Variants in SSBP2 observed in about 807,000 individuals in gnomAD.
SSBP2 encodes single-stranded DNA-binding protein 2.
A neutral mutation model predicts 61.8 loss-of-function variants in SSBP2; 17 were observed. The observed-to-expected ratio is 0.28, with a 90% confidence interval of 0.19 to 0.41. The LOEUF (loss-of-function observed/expected upper bound fraction) is 0.41. Among genes scored for constraint, SSBP2 ranks in the 10% least tolerant of loss-of-function variants. SSBP2 has a pLI of 1.00. For synonymous variants in SSBP2, 139 were observed against 141.3 expected (o/e 0.98, Z 0.12); for missense variants, 310 against 458.7 (o/e 0.68, Z 2.96).
intron 5 of SSBP2, among the ~76,000 whole-genome samples, chr5:81,493,289 GATAGATAGAT>G (rs1236508467): frequency 4.7e-5 from 7 of 149,624 alleles, no homozygotes; most frequent in Admixed American, 6.6e-5. Flanking sequence ...TAGATAGATA[GATAGATAGAT>G]AGATTAACAG....
chr5:81,479,784 C>T (rs969529600), intron 6 of SSBP2, among the ~76,000 whole-genome samples: 10 of 152,068 alleles, frequency 6.6e-5, no homozygotes, highest in African/African-American at 1.9e-4. Flanking sequence ...TATTATTCAT[C>T]CTTTTTAATG....
intron 4 of SSBP2, among the ~76,000 whole-genome samples, chr5:81,606,065 A>T (rs1018383217): frequency 3.9e-5 from 6 of 152,196 alleles, no homozygotes; most frequent in Non-Finnish European, 8.8e-5. Context: ...AGAGAAATTC[A>T]TCCAACTAGA....
chr5:81,673,825 C>T (rs1751767283), intron 1 of SSBP2, among the ~76,000 whole-genome samples: 1 of 152,184 alleles, frequency 6.6e-6, no homozygotes, highest in Non-Finnish European at 1.5e-5. Context: ...CTCAATACTA[C>T]ATACCAAAGA....
intron 6 of SSBP2, among the ~76,000 whole-genome samples, chr5:81,487,202 T>C (rs1766449040): frequency 6.6e-6 from 1 of 152,162 alleles, no homozygotes; most frequent in Admixed American, 6.5e-5. Context: ...GACAAGACAA[T>C]TATCTTGACA....
At chr5:81,711,600 A>G (rs1754779669) in intron 1 of SSBP2, among the ~76,000 whole-genome samples, 1 of 152,124 alleles carries the variant, frequency 6.6e-6, no homozygotes, top group African/African-American at 2.4e-5. Context: ...ATCTTCAGAT[A>G]TATCACCAAC....
chr5:81,622,020 T>C (rs1276514271), intron 3 of SSBP2, among the ~76,000 whole-genome samples: 1 of 141,042 alleles, frequency 7.1e-6, no homozygotes, highest in African/African-American at 2.7e-5. Flanking sequence ...GACGAGTTAG[T>C]GGGTGCAGCG....
At chr5:81,735,163 AT>A (rs1756516982) in intron 1 of SSBP2, among the ~76,000 whole-genome samples, 1 of 152,092 alleles carries the variant, frequency 6.6e-6, no homozygotes, top group Non-Finnish European at 1.5e-5. Context: ...TATATTAAAT[AT>A]ATAGAGATAA....
At chr5:81,429,587 A>T (rs970904736) in intron 15 of SSBP2, among the ~76,000 whole-genome samples, 1 of 152,198 alleles carries the variant, frequency 6.6e-6, no homozygotes, top group Non-Finnish European at 1.5e-5. Context: ...AAAACTTCAG[A>T]GTTAAACATT....
chr5:81,494,421 A>G (rs773700053), intron 5 of SSBP2, among the ~76,000 whole-genome samples: 1 of 152,228 alleles, frequency 6.6e-6, no homozygotes, highest in South Asian at 2.1e-4. Context: ...TAAAATTCAT[A>G]TATTGAAATC....
chr5:81,587,758 C>T (rs201441078), intron 4 of SSBP2, among the ~76,000 whole-genome samples: 10 of 134,152 alleles, frequency 7.5e-5, no homozygotes, highest in East Asian at 3.4e-4. Context: ...CACACACACG[C>T]GCGCGCACAC....
intron 1 of SSBP2, among the ~76,000 whole-genome samples, chr5:81,678,539 G>A (rs1208486865): frequency 6.6e-6 from 1 of 151,858 alleles, no homozygotes; most frequent in Non-Finnish European, 1.5e-5. Context: ...CCAAATTAAC[G>A]TCAAACACCA....
At chr5:81,610,201 G>T (rs939820305) in intron 4 of SSBP2, among the ~76,000 whole-genome samples, 2 of 152,110 alleles carry the variant, frequency 1.3e-5, no homozygotes, top group African/African-American at 2.4e-5. Context: ...GAGCAAGACT[G>T]GGGGGAGAGG....
chr5:81,732,260 G>T (rs749723182), intron 1 of SSBP2, among the ~76,000 whole-genome samples: 19 of 151,906 alleles, frequency 1.3e-4, no homozygotes, highest in Non-Finnish European at 2.6e-4. Context: ...TTTTCAAAAT[G>T]AAGTGGTATT....
chr5:81,725,427 G>GT (rs1444225275), intron 1 of SSBP2, among the ~76,000 whole-genome samples: 1 of 152,138 alleles, frequency 6.6e-6, no homozygotes, highest in Non-Finnish European at 1.5e-5. Context: ...ATGTACACTA[G>GT]TACAGACATT....
intron 1 of SSBP2, among the ~76,000 whole-genome samples, chr5:81,684,250 G>T (rs559199797): frequency 6.6e-6 from 1 of 152,230 alleles, no homozygotes; most frequent in African/African-American, 2.4e-5. Flanking sequence ...TCTAGACAAT[G>T]AAATATTATT....
At chr5:81,703,990 C>T (rs532542101) in intron 1 of SSBP2, among the ~76,000 whole-genome samples, 1 of 152,290 alleles carries the variant, frequency 6.6e-6, no homozygotes, top group Admixed American at 6.5e-5. Context: ...CTGCTTTAGT[C>T]CCTTGGACAT....
intron 10 of SSBP2, among the ~76,000 whole-genome samples, chr5:81,453,549 C>CG (rs1028692415): frequency 2.0e-5 from 3 of 151,470 alleles, no homozygotes; most frequent in African/African-American, 7.3e-5. Flanking sequence ...CTCCGCCCCC[C>CG]GGGTTCACGC....
At chr5:81,510,760 C>CA (rs376717678) in intron 5 of SSBP2, among the ~76,000 whole-genome samples, 8,392 of 140,356 alleles carry the variant, frequency 0.06, 726 homozygotes, top group African/African-American at 0.2. Context: ...AACTCCATCT[C>CA]AAAAAAAAAA....
In SSBP2 at chr5:81,522,983, C is replaced by T. The variant is rs144005672; in HGVS notation, c.283-9266G>A. Reference sequence around the variant, plus strand: ...AAATAAACAAAACCAAAATATTCCACAAAGAAGTAGATCCTTAGCATCTAA... The same window carrying T: ...AAATAAACAAAACCAAAATATTCCATAAAGAAGTAGATCCTTAGCATCTAA... On this transcript the variant is annotated intron_variant, in intron 4 of 16. Coordinates refer to ENST00000320672, the MANE Select transcript of SSBP2 (RefSeq NM_012446.5). 2.8e-3 allele frequency among the ~76,000 whole-genome samples: 431 copies of T among 152,058 alleles called. 4 individuals are homozygous for T. The highest frequency in any genetic ancestry group is 0.014 in the Middle Eastern group (4 of 294).
Sources: allele counts gnomAD v4.1 joint callset (sites outside exome capture counted in the v4.1 genomes callset), GRCh38; gene constraint gnomAD v4.1.1; transcripts MANE v1.5; gene names NCBI Gene and HGNC (gene_info 2026-07-23, HGNC 2026-07-21).